The following HNRNPA2B1 variants were observed in gnomAD, a reference collection of about 807,000 sequenced individuals.
The protein encoded by HNRNPA2B1 is heterogeneous nuclear ribonucleoprotein A2/B1, also known as heterogeneous nuclear ribonucleoproteins A2/B1.
HNRNPA2B1 carries 3 observed loss-of-function variants against 46.3 expected under a neutral mutation model. That is an observed-to-expected ratio of 0.06 (90% confidence interval 0.03 to 0.17). The LOEUF is 0.17. HNRNPA2B1 is among the 10% of genes least tolerant of loss of function. The probability of loss-of-function intolerance (pLI) is 1.00; values close to 1 mark genes in which losing one functional copy is unlikely to be tolerated. For missense variants in HNRNPA2B1, 221 were observed against 418.9 expected, an observed-to-expected ratio of 0.53 and a Z score of 4.12; for synonymous variants, 225 against 133.8, an observed-to-expected ratio of 1.68 and a Z score of -4.70.
At chr7:26,197,042 C>T in intron 3 of HNRNPA2B1, 25 bp from the exon 4 acceptor site, 2 of 1,558,964 alleles carry the variant, frequency 1.3e-6, no homozygotes, top group Non-Finnish European at 8.8e-7. Flanking sequence ...GGGTAAAAGT[C>T]ATCCAAACAG....
At chr7:26,193,800 T>C in intron 7 of HNRNPA2B1, 106 bp from the exon 8 acceptor site, 1 of 983,452 alleles carries the variant, frequency 1.0e-6, no homozygotes, top group East Asian at 2.6e-5. Flanking sequence ...GTGAAATATT[T>C]AATGAAATTC....
Position 26,193,281 on chromosome 7 carries a change from TACC to T in HNRNPA2B1, c.931_933del (p.Gly311del), listed in dbSNP as rs776731510. ...CCATATGGTCCCCCCATGTTCCTGC[TACC>T]ACCAAAGTTTCCACTCTTCATTGGA... On this transcript the variant is annotated inframe_deletion, in exon 9 of 11. Coordinates refer to ENST00000618183, the MANE Select transcript of HNRNPA2B1 (RefSeq NM_002137.4). 1.8e-4 allele frequency: 288 copies of T among 1,613,868 alleles called. No homozygotes were observed. The highest frequency in any genetic ancestry group is 3.3e-4 in the Middle Eastern group (2 of 6,062).
chr7:26,194,782 T>C (rs1482691751), intron 7 of HNRNPA2B1, among the ~76,000 whole-genome samples: 1 of 148,598 alleles, frequency 6.7e-6, no homozygotes, highest in African/African-American at 2.5e-5. Flanking sequence ...CACTTTCACA[T>C]ACTGCAAAAC....
intron 7 of HNRNPA2B1, among the ~76,000 whole-genome samples, chr7:26,195,365 T>C (rs1199531240): frequency 6.6e-6 from 1 of 152,226 alleles, no homozygotes; most frequent in East Asian, 1.9e-4. Context: ...CACTTCATGT[T>C]TAATGGTAGT....
intron 1 of HNRNPA2B1, 186 bp from the exon 2 acceptor site, chr7:26,197,918 A>C (rs938591908): frequency 7.1e-7 from 1 of 1,410,472 alleles, no homozygotes; most frequent in African/African-American, 1.4e-5. Context: ...GTTAAACTGC[A>C]TATTAGTTGT....
chr7:26,198,141 T>A, intron 1 of HNRNPA2B1: 1 of 308,076 alleles, frequency 3.2e-6, no homozygotes. Flanking sequence ...CGCAAATTTC[T>A]ATTTTTAAAC....
At chr7:26,192,414 T>A in intron 10 of HNRNPA2B1, 76 bp from the exon 11 acceptor site, 1 of 918,932 alleles carries the variant, frequency 1.1e-6, no homozygotes, top group South Asian at 1.4e-5. Context: ...TAAGGAAAGA[T>A]AACATGATCC....
At chr7:26,195,627 G>C (rs1783495028) in intron 7 of HNRNPA2B1, 6 of 533,068 alleles carry the variant, frequency 1.1e-5, no homozygotes, top group South Asian at 2.4e-5. Context: ...GAGATACTCT[G>C]ATGGTTATCT....
intron 4 of HNRNPA2B1, 36 bp from the exon 5 acceptor site, chr7:26,196,694 T>G: frequency 6.3e-7 from 1 of 1,584,824 alleles, no homozygotes; most frequent in South Asian, 1.1e-5. Flanking sequence ...TTAAATTAAA[T>G]CAACAATATT....
Position 26,190,877 on chromosome 7 carries a change from T to G in HNRNPA2B1, c.*1483A>C, listed in dbSNP as rs1782835503. ...TACAACCATAAATACAACAAATGTC[T>G]TTAATAAAAACCCCTAGTTCACTCA... is the stretch of plus-strand genomic sequence containing the variant. On this transcript the variant is annotated 3_prime_UTR_variant, in exon 11 of 11. Coordinates refer to ENST00000618183, the MANE Select transcript of HNRNPA2B1 (RefSeq NM_002137.4). 6.6e-6 allele frequency: 1 copy of G among 152,590 alleles called. No individual in the cohort carries two copies. The highest frequency in any genetic ancestry group is 1.5e-5 in the Non-Finnish European group (1 of 68,014). 9.5% of individuals were successfully genotyped at this position (152,590 alleles called of 1,614,324 possible).
intron 2 of HNRNPA2B1, 65 bp from the exon 3 acceptor site, chr7:26,197,526 AG>A (rs1338886862): frequency 3.8e-6 from 6 of 1,581,422 alleles, no homozygotes; most frequent in Middle Eastern, 1.7e-4. Flanking sequence ...AAGTCATAAT[AG>A]AATTTTTTAC....
At chr7:26,198,209 A>G (rs1486586048) in intron 1 of HNRNPA2B1, 2 of 193,480 alleles carry the variant, frequency 1.0e-5, no homozygotes, top group Admixed American at 6.0e-5. Context: ...TTCACTATTC[A>G]ATATCTGAAA....
chr7:26,190,518 TA>T lies in HNRNPA2B1; in HGVS notation c.*1841del, dbSNP rs1478671331. On this transcript the variant is annotated 3_prime_UTR_variant, in exon 11 of 11. Coordinates refer to ENST00000618183, the MANE Select transcript of HNRNPA2B1 (RefSeq NM_002137.4). ...TTTATCATGTTTGTCCAAAAGAACC[TA>T]AACAACTTCAGTGGTGGTCTTAGGA... 1 of 152,354 alleles carries T rather than the reference TA, an allele frequency of 6.6e-6. No homozygotes were observed. Among genetic ancestry groups the T allele is most frequent in the Non-Finnish European group, 1.5e-5 (1 of 68,016 alleles). The allele number at this position is 152,354 out of a possible 1,614,324, so 9.4% of individuals were successfully genotyped here. A position where few individuals can be genotyped will look rare whatever the true frequency, so the allele number is the denominator to read the frequency against.
intron 1 of HNRNPA2B1, chr7:26,198,308 A>C (rs777824649): frequency 2.7e-4 from 41 of 153,812 alleles, no homozygotes; most frequent in Non-Finnish European, 5.3e-4. Context: ...AACAAACACT[A>C]AGTTTCTCCA....
At chr7:26,199,167 A>G (rs1363343785) in intron 1 of HNRNPA2B1, 1 of 152,594 alleles carries the variant, frequency 6.6e-6, no homozygotes, top group African/African-American at 2.4e-5. Context: ...TCACTAACAA[A>G]AAGCAAAAAC....
Position 26,197,714 on chromosome 7 carries a change from G to A in HNRNPA2B1, c.25C>T (p.Arg9Cys). Reference protein sequence around the residue: MEREKEQFRKLFIGGLSFE... With the variant: MEREKEQFCKLFIGGLSFE... ...CTTAAGCCACCAATAAAGAGCTTAC[G>A]GAACTGTTCCTTTTCTCTCTGCAAA... The change falls in exon 2 of 11, where the codon CGT becomes TGT. Residue 9 changes from arginine (R) to cysteine (C), a missense_variant. Physicochemically the swap from Arg to Cys is radical, Grantham distance 180. Transcript: ENST00000618183. The A allele has an allele frequency of 6.2e-7, 1 of 1,613,358 alleles. No homozygotes were observed. Among genetic ancestry groups the A allele is most frequent in the Non-Finnish European group, 8.5e-7 (1 of 1,179,566 alleles).
intron 1 of HNRNPA2B1, chr7:26,198,038 A>T: frequency 2.3e-6 from 1 of 438,854 alleles, no homozygotes; most frequent in Admixed American, 4.1e-5. Flanking sequence ...TAAAAAAAAA[A>T]CTTTCTAAGG....
chr7:26,197,553 T>C, intron 2 of HNRNPA2B1, 69 bp downstream of exon 2: 1 of 1,557,196 alleles, frequency 6.4e-7, no homozygotes, highest in Non-Finnish European at 8.8e-7. Flanking sequence ...TGATAGTTAT[T>C]TCCTCCATGA....
intron 7 of HNRNPA2B1, 141 bp from the exon 8 acceptor site, chr7:26,193,835 A>G (rs1342651749): frequency 4.0e-6 from 3 of 745,124 alleles, no homozygotes; most frequent in African/African-American, 1.8e-5. Flanking sequence ...CAAGGACTGA[A>G]TAACTATCCT....
Sources: allele counts gnomAD v4.1 joint callset (sites outside exome capture counted in the v4.1 genomes callset), GRCh38; gene constraint gnomAD v4.1.1; transcripts MANE v1.5; gene names NCBI Gene and HGNC (gene_info 2026-07-23, HGNC 2026-07-21).